Variants in IL20RA observed in about 807,000 individuals in gnomAD.
IL20RA encodes the protein interleukin-20 receptor subunit alpha.
In IL20RA, 29 loss-of-function variants were observed where a neutral mutation model predicts 36.5. The observed-to-expected ratio is 0.79, with a 90% confidence interval of 0.59 to 1.08. IL20RA has a LOEUF of 1.08. Among genes scored for constraint, IL20RA ranks in the 50% least tolerant of loss-of-function variants. IL20RA has a pLI of 0.00. For missense variants in IL20RA, 652 were observed against 668.4 expected (o/e 0.98, Z 0.27); for synonymous variants, 279 against 267.1 (o/e 1.04, Z -0.43).
chr6:137,038,704 C>T (rs1238845267), intron 1 of IL20RA, among the ~76,000 whole-genome samples: 1 of 152,112 alleles, frequency 6.6e-6, no homozygotes, highest in African/African-American at 2.4e-5. Context: ...TATATGCTGC[C>T]TGAAGCCTCA....
chr6:137,043,721 AAAGAC>A (rs1213858024), intron 1 of IL20RA, among the ~76,000 whole-genome samples: 1 of 152,204 alleles, frequency 6.6e-6, no homozygotes, highest in African/African-American at 2.4e-5. Context: ...TTCTGGGTTA[AAAGAC>A]AGCGGGGCCT....
chr6:137,037,662 C>A (rs937490481), intron 1 of IL20RA, among the ~76,000 whole-genome samples: 1 of 152,028 alleles, frequency 6.6e-6, no homozygotes, highest in Non-Finnish European at 1.5e-5. Context: ...ATGTTGTAGA[C>A]CAGCAGTCTC....
intron 1 of IL20RA, among the ~76,000 whole-genome samples, chr6:137,035,082 A>G (rs758873082): frequency 6.6e-6 from 1 of 152,146 alleles, no homozygotes; most frequent in African/African-American, 2.4e-5. Context: ...TTATGGCTGC[A>G]TAGTACTCCA....
chr6:137,044,487 G>A (rs1776825975), intron 1 of IL20RA, among the ~76,000 whole-genome samples, 154 bp downstream of exon 1: 1 of 151,838 alleles, frequency 6.6e-6, no homozygotes, highest in South Asian at 2.1e-4. Context: ...CCCCGGGGCT[G>A]GAAGCTCCGG....
Position 137,001,754 on chromosome 6 carries a change from A to G in IL20RA, c.1466T>C (p.Leu489Pro). The G allele has an allele frequency of 1.2e-6, 2 of 1,612,460 alleles. No homozygotes were observed. The highest frequency in any genetic ancestry group is 1.1e-5 in the South Asian group (1 of 90,934). The change falls in exon 7 of 7, where the codon CTG (leucine) becomes CCG (proline). Residue 489 changes from leucine (L) to proline (P), a missense_variant. Coordinates refer to ENST00000316649, the MANE Select transcript of IL20RA (RefSeq NM_014432.4). ...GAAGCTGGACAGCGAAGGAATACAC[A>G]GCCTGCCAGTTTGGGGATCCCAGTC... is the stretch of plus-strand genomic sequence containing the variant. ...LVDWDPQTGRLCIPSLSSFDQ... is the reference protein window; with the variant it reads ...LVDWDPQTGRPCIPSLSSFDQ...
intron 6 of IL20RA, 51 bp from the exon 7 acceptor site, chr6:137,002,406 T>A: frequency 8.3e-7 from 1 of 1,208,472 alleles, no homozygotes; most frequent in Non-Finnish European, 1.2e-6. Context: ...AGAGAGACAT[T>A]AAAAACAGCT....
Position 137,001,725 on chromosome 6 carries a change from G to T in IL20RA, c.1495C>A (p.Gln499Lys), listed in dbSNP as rs113298325. 15 of 1,613,900 alleles carry T rather than the reference G, an allele frequency of 9.3e-6. No individual in the cohort carries two copies. The highest frequency in any genetic ancestry group is 1.3e-5 in the Non-Finnish European group (15 of 1,179,834). Residue 499 changes from glutamine to lysine, a missense_variant, in exon 7 of 7, where the codon CAG becomes AAG. Coordinates refer to ENST00000316649, the MANE Select transcript of IL20RA (RefSeq NM_014432.4). ...LCIPSLSSFD[Q>K]DSEGCEPSEG... Reference sequence around the variant, plus strand: ...GAAGGCTCGCAGCCCTCTGAATCCTGGTCGAAGCTGGACAGCGAAGGAATA... The same window carrying T: ...GAAGGCTCGCAGCCCTCTGAATCCTTGTCGAAGCTGGACAGCGAAGGAATA...
chr6:137,025,033 T>C (rs1457333639), intron 1 of IL20RA, among the ~76,000 whole-genome samples: 1 of 152,214 alleles, frequency 6.6e-6, no homozygotes, highest in Admixed American at 6.5e-5. Context: ...CAAGGAACTA[T>C]CCATTTAATG....
intron 1 of IL20RA, 138 bp downstream of exon 1, chr6:137,044,503 G>T: frequency 1.1e-6 from 1 of 947,074 alleles, no homozygotes; most frequent in Non-Finnish European, 1.4e-6. Flanking sequence ...TCCGGCCTCC[G>T]CGCACCTCGT....
At position 137,026,012 on chromosome 6, in the gene IL20RA, AT is replaced by A. The variant is rs1776075349; in HGVS notation, c.89-8910del. Among the ~76,000 whole-genome samples, 6 of 152,298 alleles carry A rather than the reference AT, an allele frequency of 3.9e-5. No homozygotes were observed. In the South Asian group the frequency reaches 1.0e-3, roughly 26 times the overall value. On this transcript the variant is annotated intron_variant, in intron 1 of 6. Coordinates refer to ENST00000316649, the MANE Select transcript of IL20RA (RefSeq NM_014432.4). Reference sequence around the variant, plus strand: ...CCCATTATGGCCAGCACATTCATTAATCAGTACAGAAAGCAAACAAATCGCA... The same window carrying A: ...CCCATTATGGCCAGCACATTCATTAACAGTACAGAAAGCAAACAAATCGCA...
chr6:137,014,577 G>A (rs1324035543), intron 2 of IL20RA, among the ~76,000 whole-genome samples: 1 of 151,972 alleles, frequency 6.6e-6, no homozygotes, highest in Non-Finnish European at 1.5e-5. Flanking sequence ...TCCTAAAAGA[G>A]CTTTTAAATT....
At chr6:137,043,177 T>A (rs541423055) in intron 1 of IL20RA, among the ~76,000 whole-genome samples, 2 of 152,310 alleles carry the variant, frequency 1.3e-5, no homozygotes, top group East Asian at 3.9e-4. Context: ...GGCGTGATCA[T>A]AACTCACTGC....
intron 6 of IL20RA, 133 bp downstream of exon 6, chr6:137,004,488 T>C: frequency 1.0e-6 from 1 of 957,654 alleles, no homozygotes; most frequent in South Asian, 1.5e-5. Flanking sequence ...GAAACTGTTT[T>C]TTAATTCACC....
At chr6:137,003,943 C>T (rs890784563) in intron 6 of IL20RA, among the ~76,000 whole-genome samples, 7 of 152,086 alleles carry the variant, frequency 4.6e-5, no homozygotes, top group African/African-American at 1.7e-4. Flanking sequence ...GGTTTTGGGG[C>T]CCTCCTTGTA....
chr6:137,019,270 G>A (rs564191714), intron 1 of IL20RA, among the ~76,000 whole-genome samples: 1 of 152,044 alleles, frequency 6.6e-6, no homozygotes, highest in Non-Finnish European at 1.5e-5. Flanking sequence ...GGGATTACAG[G>A]CACTCACCAC....
At position 137,044,194 on chromosome 6, in the gene IL20RA, T is replaced by G. The variant is rs991391246; in HGVS notation, c.88+447A>C. 5.1e-6 allele frequency: 5 copies of G among 986,694 alleles called. No homozygotes were observed. In the African/African-American group the frequency reaches 8.7e-5, roughly 17 times the overall value. The allele number at this position is 986,694 out of a possible 1,614,324, so 61.1% of individuals were successfully genotyped here. On this transcript the variant is annotated intron_variant, in intron 1 of 6. Coordinates refer to ENST00000316649, the MANE Select transcript of IL20RA (RefSeq NM_014432.4). ...TCTCGCGACGCGCGGCTTGCAGGAC[T>G]GCGGGGCCCGGCGGCCGAGACGCGG... is the stretch of plus-strand genomic sequence containing the variant.
chr6:137,024,127 G>C (rs986988860), intron 1 of IL20RA, among the ~76,000 whole-genome samples: 1 of 151,898 alleles, frequency 6.6e-6, no homozygotes, highest in African/African-American at 2.4e-5. Context: ...ACAAGAGTTA[G>C]CACTTTTATT....
At position 136,999,989 on chromosome 6, in the gene IL20RA, T is replaced by C. The variant is rs558802994; in HGVS notation, c.*1569A>G. On this transcript the variant is annotated 3_prime_UTR_variant, in exon 7 of 7. Transcript: ENST00000316649. ...GCAGAACTATCATCAATCACTTTAT[T>C]TTTCTTTTGCTCTTAATAACAATTT... 2.6e-5 allele frequency: 4 copies of C among 152,366 alleles called. No individual in the cohort carries two copies. The highest frequency in any genetic ancestry group is 4.4e-5 in the Non-Finnish European group (3 of 68,032). The allele number at this position is 152,366 out of a possible 1,614,324, so 9.4% of individuals were successfully genotyped here. A position where few individuals can be genotyped will look rare whatever the true frequency, so the allele number is the denominator to read the frequency against.
At chr6:137,030,317 C>A (rs971194475) in intron 1 of IL20RA, among the ~76,000 whole-genome samples, 5 of 152,022 alleles carry the variant, frequency 3.3e-5, no homozygotes, top group Non-Finnish European at 5.9e-5. Flanking sequence ...AACTTTTGGG[C>A]TCAAGTGATC....
Sources: allele counts gnomAD v4.1 joint callset (sites outside exome capture counted in the v4.1 genomes callset), GRCh38; gene constraint gnomAD v4.1.1; transcripts MANE v1.5; gene names NCBI Gene and HGNC (gene_info 2026-07-23, HGNC 2026-07-21).